Variants in CDH8 observed in about 807,000 individuals in gnomAD.
CDH8 encodes cadherin 8.
A neutral mutation model predicts 68.1 loss-of-function variants in CDH8; 17 were observed. That is an observed-to-expected ratio of 0.25 (90% CI 0.17 to 0.37). CDH8 has a LOEUF of 0.37. Among genes scored for constraint, CDH8 ranks in the 10% least tolerant of loss-of-function variants. The pLI, the probability that CDH8 is intolerant of heterozygous loss-of-function variation, is 1.00. For synonymous variants in CDH8, 372 were observed against 365.1 expected, an observed-to-expected ratio of 1.02 and a Z score of -0.21; for missense variants, 763 against 999.3, an observed-to-expected ratio of 0.76 and a Z score of 3.19.
chr16:61,789,638 T>C (rs539495914), intron 7 of CDH8, among the ~76,000 whole-genome samples, 156 bp from the exon 8 acceptor site: 1 of 152,186 alleles, frequency 6.6e-6, no homozygotes, highest in African/African-American at 2.4e-5. Context: ...AATGACTGAA[T>C]GAGGCACGAG....
intron 3 of CDH8, among the ~76,000 whole-genome samples, chr16:61,860,879 C>T (rs551293405): frequency 1.2e-4 from 18 of 152,220 alleles, no homozygotes; most frequent in Non-Finnish European, 2.1e-4. Flanking sequence ...AGGCTTCGTG[C>T]GTTTGGTCAG....
intron 2 of CDH8, among the ~76,000 whole-genome samples, chr16:62,019,290 A>G (rs1292314186): frequency 5.3e-5 from 8 of 152,230 alleles, no homozygotes; most frequent in Non-Finnish European, 4.4e-5. Context: ...GGTTCCTAAT[A>G]TGTAATAAGG....
chr16:61,881,816 T>G (rs994933791), intron 3 of CDH8, among the ~76,000 whole-genome samples: 2 of 152,212 alleles, frequency 1.3e-5, no homozygotes, highest in Non-Finnish European at 2.9e-5. Context: ...TAACCCCTTC[T>G]GGCTTCAAAG....
intron 2 of CDH8, among the ~76,000 whole-genome samples, chr16:62,000,435 C>A (rs1460212743): frequency 6.6e-6 from 1 of 152,168 alleles, no homozygotes; most frequent in Non-Finnish European, 1.5e-5. Flanking sequence ...AAAAGCGTTC[C>A]TATTTCTCCA....
At chr16:61,918,450 G>C (rs1964286469) in intron 2 of CDH8, 1 of 153,722 alleles carries the variant, frequency 6.5e-6, no homozygotes, top group African/African-American at 2.4e-5. Flanking sequence ...GCAGGTCAGT[G>C]GGTGCGCGCA....
intron 2 of CDH8, among the ~76,000 whole-genome samples, chr16:61,957,656 C>T (rs1597089407): frequency 1.3e-5 from 2 of 152,284 alleles, no homozygotes; most frequent in Admixed American, 1.3e-4. Context: ...TCTGTTCCAG[C>T]CACACAGGTT....
intron 1 of CDH8, among the ~76,000 whole-genome samples, chr16:62,033,350 T>G (rs758720497): frequency 3.9e-5 from 6 of 152,220 alleles, no homozygotes; most frequent in Non-Finnish European, 8.8e-5. Flanking sequence ...AGAGTTGACA[T>G]GTCTACAGCA....
chr16:61,722,514 CAATTAGCATCTTGTAGATGGGT>C (rs889664697), intron 9 of CDH8, among the ~76,000 whole-genome samples: 19 of 150,788 alleles, frequency 1.3e-4, no homozygotes, highest in African/African-American at 4.6e-4. Context: ...TGTATTACAA[CAATTAGCATCTTGTAGATGGGT>C]AATAAATATT....
At chr16:61,779,434 TGTG>T (rs1960987013) in intron 8 of CDH8, among the ~76,000 whole-genome samples, 1 of 147,078 alleles carries the variant, frequency 6.8e-6, no homozygotes, top group African/African-American at 2.5e-5. Flanking sequence ...TATGTGTGTG[TGTG>T]TGTGTGTGTG....
chr16:61,850,979 T>C (rs903153504), intron 4 of CDH8, among the ~76,000 whole-genome samples: 1 of 152,076 alleles, frequency 6.6e-6, no homozygotes. Flanking sequence ...TTCCCACCTA[T>C]AAATGTATAT....
At chr16:61,988,610 A>C (rs893588763) in intron 2 of CDH8, among the ~76,000 whole-genome samples, 5 of 150,062 alleles carry the variant, frequency 3.3e-5, no homozygotes, top group Admixed American at 6.6e-5. Flanking sequence ...AACAAACAAA[A>C]AAAGGTACAA....
At chr16:61,791,510 C>T (rs973308686) in intron 7 of CDH8, among the ~76,000 whole-genome samples, 39 of 152,014 alleles carry the variant, frequency 2.6e-4, no homozygotes, top group African/African-American at 8.5e-4. Flanking sequence ...TCACTTTCTG[C>T]ATTATATTCA....
chr16:61,834,897 G>T (rs541553529), intron 4 of CDH8, among the ~76,000 whole-genome samples: 1 of 152,018 alleles, frequency 6.6e-6, no homozygotes, highest in African/African-American at 2.4e-5. Flanking sequence ...ACAAAGTCCC[G>T]CAGCCTGCAG....
chr16:61,959,827 G>A (rs959045900), intron 2 of CDH8, among the ~76,000 whole-genome samples: 2 of 146,302 alleles, frequency 1.4e-5, no homozygotes, highest in African/African-American at 2.5e-5. Context: ...CTCTCTGTAT[G>A]TGTGTGTGTA....
intron 7 of CDH8, among the ~76,000 whole-genome samples, chr16:61,810,656 G>T (rs137938427): frequency 6.6e-6 from 1 of 152,238 alleles, no homozygotes; most frequent in Non-Finnish European, 1.5e-5. Flanking sequence ...CATTAGGAAA[G>T]GTTTTCCTCC....
In CDH8 at chr16:61,849,171, A is replaced by G. The variant is rs146108213; in HGVS notation, c.667+7948T>C. Among the ~76,000 whole-genome samples the G allele has an allele frequency of 6.4e-3, 981 of 152,112 alleles. 13 individuals carry two copies. Among genetic ancestry groups the G allele is most frequent in the African/African-American group, 0.023 (942 of 41,514 alleles). On this transcript the variant is annotated intron_variant, in intron 4 of 11. Transcript: ENST00000577390. ...TTCTCCATACTCTCTTTTGTCCTAAAACAATAATAGTATCATATGATATTA... is the reference window on the plus strand; with the variant it reads ...TTCTCCATACTCTCTTTTGTCCTAAGACAATAATAGTATCATATGATATTA...
chr16:61,743,475 C>G (rs186123817), intron 8 of CDH8: 1 of 152,838 alleles, frequency 6.5e-6, no homozygotes, highest in East Asian at 1.9e-4. Context: ...GCCCTCATAT[C>G]CTTCCATTAT....
At chr16:61,671,610 T>C (rs1963797146) in intron 10 of CDH8, among the ~76,000 whole-genome samples, 1 of 152,042 alleles carries the variant, frequency 6.6e-6, no homozygotes, top group African/African-American at 2.4e-5. Context: ...GAAGTCTTAA[T>C]ACACAGTGAA....
chr16:62,021,633 G>T, intron 1 of CDH8, 31 bp from the exon 2 acceptor site: 1 of 1,234,612 alleles, frequency 8.1e-7, no homozygotes, highest in Non-Finnish European at 1.0e-6. Context: ...AAAGATAAGG[G>T]TCTACTCAAA....
Sources: gnomAD v4.1 joint callset for allele counts (sites outside exome capture counted in the v4.1 genomes callset) on GRCh38, gnomAD v4.1.1 for gene constraint, MANE v1.5 for transcripts, NCBI Gene and HGNC (gene_info 2026-07-23, HGNC 2026-07-21) for gene names.